DLGAP5: variants seen among roughly 807,000 people sequenced by gnomAD.
DLGAP5 encodes the protein disks large-associated protein 5.
DLGAP5 carries 90 observed loss-of-function variants against 99.6 expected under a neutral mutation model. The observed-to-expected ratio is 0.90, with a 90% CI of 0.76 to 1.08. The LOEUF (loss-of-function observed/expected upper bound fraction) is 1.08. DLGAP5 is among the 50% of genes least tolerant of loss of function. The probability of loss-of-function intolerance (pLI) is 0.00; values close to 1 mark genes in which losing one functional copy is unlikely to be tolerated. For missense variants in DLGAP5, 1,036 were observed against 983.5 expected (o/e 1.05, Z -0.71); for synonymous variants, 311 against 321.3 (o/e 0.97, Z 0.34).
At chr14:55,165,533 A>C (rs1250607385) in intron 12 of DLGAP5, among the ~76,000 whole-genome samples, 1 of 151,844 alleles carries the variant, frequency 6.6e-6, no homozygotes, top group African/African-American at 2.4e-5. Flanking sequence ...TAAAAAACAA[A>C]AAAAAAAACC....
Position 55,182,291 on chromosome 14 carries a change from T to C in DLGAP5, c.495+79A>G, listed in dbSNP as rs1188652266. On this transcript the variant is annotated intron_variant, in intron 4 of 18. Coordinates refer to ENST00000247191, the MANE Select transcript of DLGAP5 (RefSeq NM_014750.5). ...AATTAATCATTATGTTTGAATCTGA[T>C]ACTAGATTTAAAATGAATTTACTTA... 11 of 1,193,570 alleles carry C rather than the reference T, an allele frequency of 9.2e-6. No homozygotes were observed. In the African/African-American group the frequency reaches 1.5e-4, roughly 16 times the overall value. 73.9% of individuals were successfully genotyped at this position (1,193,570 alleles called of 1,614,324 possible).
Position 55,154,467 on chromosome 14 carries a change from T to C in DLGAP5, c.2063+150A>G, listed in dbSNP as rs139782311. ...GAAACCTTAAGCTTTAGTTTCCTCA[T>C]TTATAAAAAGGGAGTACTGCCTATA... On this transcript the variant is annotated intron_variant, in intron 15 of 18. Coordinates refer to ENST00000247191, the MANE Select transcript of DLGAP5 (RefSeq NM_014750.5). 57 of 661,596 alleles carry C rather than the reference T, an allele frequency of 8.6e-5. No individual in the cohort carries two copies. In the African/African-American group the frequency reaches 9.8e-4, roughly 11 times the overall value. The allele number at this position is 661,596 out of a possible 1,614,324, so 41.0% of individuals were successfully genotyped here.
In DLGAP5 at chr14:55,160,540, C is replaced by T. The variant is rs373044609; in HGVS notation, c.1654-1799G>A. Among the ~76,000 whole-genome samples, 16 of 151,984 alleles carry T rather than the reference C, an allele frequency of 1.1e-4. No homozygotes were observed. The East Asian group carries it at 2.7e-3, about 26-fold the overall frequency. Reference sequence around the variant, plus strand: ...TCGGTTCAATGTAACCTCTGCCTCCCGGGTTCAAGTGATTCTCCTACCCCA... The same window carrying T: ...TCGGTTCAATGTAACCTCTGCCTCCTGGGTTCAAGTGATTCTCCTACCCCA... On this transcript the variant is annotated intron_variant, in intron 13 of 18. Transcript: ENST00000247191.
chr14:55,179,149 C>T (rs984751793), intron 7 of DLGAP5, among the ~76,000 whole-genome samples: 2 of 152,148 alleles, frequency 1.3e-5, no homozygotes, highest in African/African-American at 4.8e-5. Flanking sequence ...AGAAACCATG[C>T]TAGATGCAGG....
intron 14 of DLGAP5, 29 bp downstream of exon 14, chr14:55,158,493 A>C: frequency 6.3e-7 from 1 of 1,594,200 alleles, no homozygotes; most frequent in Non-Finnish European, 8.5e-7. Flanking sequence ...AGGAAAAACA[A>C]AAAAAATAAA....
In DLGAP5 at chr14:55,151,692, C is replaced by A; in HGVS notation, c.2368+3G>T. The A allele has an allele frequency of 6.2e-7, 1 of 1,611,960 alleles. No homozygotes were observed. Among genetic ancestry groups the A allele is most frequent in the South Asian group, 1.1e-5 (1 of 90,716 alleles). ...TCGTTTAAATATATTTTAAATATCT[C>A]ACCTGACTGAGAAATTTTAGTTTCC... On this transcript the variant is annotated splice_donor_region_variant and intron_variant, in intron 17 of 18. Coordinates refer to ENST00000247191, the MANE Select transcript of DLGAP5 (RefSeq NM_014750.5).
At position 55,155,638 on chromosome 14, in the gene DLGAP5, G is replaced by A. The variant is rs151174925; in HGVS notation, c.1874-832C>T. 2.3e-3 allele frequency among the ~76,000 whole-genome samples: 343 copies of A among 152,070 alleles called. 3 individuals are homozygous for A. In the South Asian group the frequency reaches 0.034, roughly 15 times the overall value. On this transcript the variant is annotated intron_variant, in intron 14 of 18. Transcript: ENST00000247191. ...ACTGGGATTACAGGTGTGAGCCACC[G>A]TGCCTGGACACAGATAATCTTAAAA...
At position 55,158,624 on chromosome 14, in the gene DLGAP5, C is replaced by T. The variant is rs1882295517; in HGVS notation, c.1771G>A (p.Glu591Lys). 6.2e-7 allele frequency: 1 copy of T among 1,614,162 alleles called. No individual in the cohort carries two copies. Among genetic ancestry groups the T allele is most frequent in the African/African-American group, 1.3e-5 (1 of 75,056 alleles). The change falls in exon 14 of 19, where the codon GAA becomes AAA. Residue 591 changes from glutamate to lysine, a missense_variant. By Grantham distance (56) the Glu-to-Lys change is moderately conservative (BLOSUM62 1). Coordinates refer to ENST00000247191, the MANE Select transcript of DLGAP5 (RefSeq NM_014750.5). ...NAMRERIRQE[E>K]CAETAVSVIP... ...ACAGAAACTGCTGTTTCAGCACATTCTTCCTGCCTAATTCTCTCTCTCATT... is the reference window on the plus strand; with the variant it reads ...ACAGAAACTGCTGTTTCAGCACATTTTTCCTGCCTAATTCTCTCTCTCATT...
intron 12 of DLGAP5, among the ~76,000 whole-genome samples, chr14:55,164,668 T>C (rs1882572690): frequency 6.6e-6 from 1 of 151,942 alleles, no homozygotes; most frequent in African/African-American, 2.4e-5. Flanking sequence ...ACCCCTGTAA[T>C]CCCAGGACTT....
chr14:55,161,719 AT>A (rs1882442962), intron 13 of DLGAP5, among the ~76,000 whole-genome samples: 1 of 150,064 alleles, frequency 6.7e-6, no homozygotes, highest in Non-Finnish European at 1.5e-5. Flanking sequence ...CTAGTAAAAT[AT>A]TTTTTAAGGC....
intron 13 of DLGAP5, among the ~76,000 whole-genome samples, chr14:55,161,408 A>AATT (rs1555328155): frequency 4.3e-5 from 5 of 115,924 alleles, no homozygotes; most frequent in African/African-American, 7.1e-5. Flanking sequence ...TAAAAAAAAA[A>AATT]TTTTTTTTTT....
At chr14:55,173,203 G>A (rs974506914) in intron 10 of DLGAP5, among the ~76,000 whole-genome samples, 19 of 148,716 alleles carry the variant, frequency 1.3e-4, no homozygotes, top group African/African-American at 3.4e-4. Context: ...GGGAGGCTGA[G>A]GCAAAAGGAT....
intron 13 of DLGAP5, among the ~76,000 whole-genome samples, chr14:55,161,852 C>T (rs544533980): frequency 3.0e-3 from 137 of 46,110 alleles, no homozygotes; most frequent in African/African-American, 0.01. Context: ...CCAGCCTGGG[C>T]AAAAAGAGCC....
At position 55,170,685 on chromosome 14, in the gene DLGAP5, T is replaced by C; in HGVS notation, c.1387+17A>G. ...TAAAAGAAACAAAGCAAACAAAAAA[T>C]ACAAATGTTGCCTCACCATCATCTG... On this transcript the variant is annotated intron_variant, in intron 11 of 18. Transcript: ENST00000247191. 6.2e-7 allele frequency: 1 copy of C among 1,601,096 alleles called. No homozygotes were observed. Among genetic ancestry groups the C allele is most frequent in the Non-Finnish European group, 8.6e-7 (1 of 1,169,370 alleles).
intron 2 of DLGAP5, among the ~76,000 whole-genome samples, chr14:55,187,983 T>G (rs1332417371): frequency 1.3e-5 from 2 of 152,152 alleles, no homozygotes; most frequent in Non-Finnish European, 2.9e-5. Context: ...CCTCTAAGCC[T>G]TTGCAAACGG....
At chr14:55,183,796 T>G in intron 2 of DLGAP5, 43 bp from the exon 3 acceptor site, 1 of 1,438,830 alleles carries the variant, frequency 7.0e-7, no homozygotes, top group Non-Finnish European at 9.2e-7. Context: ...TATAAAACAT[T>G]TCAGATGAAA....
intron 13 of DLGAP5, among the ~76,000 whole-genome samples, chr14:55,162,644 T>G (rs986380256): frequency 4.0e-5 from 6 of 149,390 alleles, no homozygotes; most frequent in African/African-American, 9.9e-5. Flanking sequence ...AGAAGAAGAA[T>G]AAAACCAACA....
At chr14:55,148,629 G>C (rs1184302455) in intron 18 of DLGAP5, 156 bp from the exon 19 acceptor site, 2 of 1,505,316 alleles carry the variant, frequency 1.3e-6, no homozygotes, top group Admixed American at 3.9e-5. Flanking sequence ...TGAGGTGGTA[G>C]GATCACTTGA....
At position 55,175,912 on chromosome 14, in the gene DLGAP5, G is replaced by C; in HGVS notation, c.1156C>G (p.Leu386Val). ...ACTATACCTTCATGCCAAACAGTTAGAGGACCCAAAGGACATGGCAATTTA... is the reference window on the plus strand; with the variant it reads ...ACTATACCTTCATGCCAAACAGTTACAGGACCCAAAGGACATGGCAATTTA... ...SNKLPCPLGP[L>V]TVWHEEHVLN... Residue 386 changes from leucine to valine, a missense_variant, in exon 9 of 19, where the codon CTA becomes GTA. By Grantham distance (32) the Leu-to-Val change is conservative. Coordinates refer to ENST00000247191, the MANE Select transcript of DLGAP5 (RefSeq NM_014750.5). 1 of 1,600,984 alleles carries C rather than the reference G, an allele frequency of 6.2e-7. No individual in the cohort carries two copies. The highest frequency in any genetic ancestry group is 2.2e-5 in the East Asian group (1 of 44,688).
Sources: gnomAD v4.1 joint callset for allele counts (sites outside exome capture counted in the v4.1 genomes callset) on GRCh38, gnomAD v4.1.1 for gene constraint, MANE v1.5 for transcripts, NCBI Gene and HGNC (gene_info 2026-07-23, HGNC 2026-07-21) for gene names.